SULT1B1: variants seen among roughly 807,000 people sequenced by gnomAD.
SULT1B1 encodes the protein sulfotransferase 1B1.
A neutral mutation model predicts 34.6 loss-of-function variants in SULT1B1; 28 were observed. The ratio of observed to expected loss-of-function variants is 0.81; its 90% CI spans 0.60 to 1.11. The LOEUF (loss-of-function observed/expected upper bound fraction) is 1.11. Ranked by LOEUF, SULT1B1 falls within the 50% of genes least tolerant of loss-of-function variation. The probability of loss-of-function intolerance (pLI) is 0.00; values close to 1 mark genes in which losing one functional copy is unlikely to be tolerated. For missense variants in SULT1B1, 374 were observed against 352.2 expected (o/e 1.06, Z -0.50); for synonymous variants, 147 against 110.2 (o/e 1.33, Z -2.09).
chr4:69,731,392 C>T (rs190684146), intron 6 of SULT1B1, among the ~76,000 whole-genome samples: 3 of 152,314 alleles, frequency 2.0e-5, no homozygotes, highest in African/African-American at 7.2e-5. Context: ...CCCCCTTGCA[C>T]CCTGTTCATG....
chr4:69,743,816 G>A (rs531365381), intron 4 of SULT1B1, among the ~76,000 whole-genome samples: 2 of 152,330 alleles, frequency 1.3e-5, no homozygotes, highest in East Asian at 1.9e-4. Flanking sequence ...TGTTCCGCGA[G>A]CGGGTAGTGG....
chr4:69,737,900 T>C (rs929766323), intron 4 of SULT1B1, among the ~76,000 whole-genome samples: 1 of 152,206 alleles, frequency 6.6e-6, no homozygotes, highest in Non-Finnish European at 1.5e-5. Context: ...TGGGCGCATG[T>C]GCAGATTTGT....
intron 4 of SULT1B1, among the ~76,000 whole-genome samples, chr4:69,735,717 A>G (rs1390654111): frequency 6.6e-6 from 1 of 152,222 alleles, no homozygotes; most frequent in Non-Finnish European, 1.5e-5. Context: ...CAAAACTGAG[A>G]TGAATCAAAT....
chr4:69,728,413 C>T (rs188402749), intron 7 of SULT1B1, among the ~76,000 whole-genome samples: 13 of 152,148 alleles, frequency 8.5e-5, no homozygotes, highest in African/African-American at 3.1e-4. Flanking sequence ...TGGCATCTTT[C>T]AAGATTCAGT....
In SULT1B1 at chr4:69,734,280, G is replaced by T; in HGVS notation, c.376-16C>A. On this transcript the variant is annotated splice_polypyrimidine_tract_variant and intron_variant, in intron 4 of 7. Transcript: ENST00000310613. ...GATAAATCATCTGCAGTGGGGGGTG[G>T]GGGTAGGAGAAAAAAATAAGATAAA... 2 of 1,601,638 alleles carry T rather than the reference G, an allele frequency of 1.2e-6. No individual in the cohort carries two copies. Among genetic ancestry groups the T allele is most frequent in the East Asian group, 4.5e-5 (2 of 44,188 alleles).
intron 3 of SULT1B1, among the ~76,000 whole-genome samples, chr4:69,754,333 GCTT>G (rs1177452101): frequency 5.9e-5 from 9 of 152,014 alleles, no homozygotes; most frequent in Admixed American, 2.0e-4. Context: ...AAGAAAAGTT[GCTT>G]CTTATTTATT....
At chr4:69,738,386 C>T (rs1052906858) in intron 4 of SULT1B1, among the ~76,000 whole-genome samples, 6 of 152,156 alleles carry the variant, frequency 3.9e-5, no homozygotes, top group Non-Finnish European at 8.8e-5. Context: ...CCTCAGGAAA[C>T]TTACAATCAT....
intron 1 of SULT1B1, among the ~76,000 whole-genome samples, chr4:69,756,375 C>T (rs1278649548): frequency 2.0e-5 from 3 of 152,030 alleles, no homozygotes; most frequent in Non-Finnish European, 1.5e-5. Flanking sequence ...CCTGACTGTG[C>T]CAAGGAGTCC....
chr4:69,754,206 A>G (rs1719096327), intron 3 of SULT1B1, among the ~76,000 whole-genome samples: 1 of 152,210 alleles, frequency 6.6e-6, no homozygotes, highest in South Asian at 2.1e-4. Context: ...CCTGTGATAC[A>G]ATATACAATT....
chr4:69,745,781 A>G (rs577250036), intron 4 of SULT1B1, among the ~76,000 whole-genome samples: 12 of 152,260 alleles, frequency 7.9e-5, no homozygotes, highest in African/African-American at 2.9e-4. Flanking sequence ...TGTAGACTTG[A>G]TTATGTAATT....
In SULT1B1 at chr4:69,721,931, C is replaced by T. The variant is rs1717676574; in HGVS notation, c.*5157G>A. The T allele has an allele frequency of 6.6e-6, 1 of 152,002 alleles. No homozygotes were observed. Among genetic ancestry groups the T allele is most frequent in the African/African-American group, 2.4e-5 (1 of 41,428 alleles). 9.4% of individuals were successfully genotyped at this position (152,002 alleles called of 1,614,324 possible). On this transcript the variant is annotated 3_prime_UTR_variant, in exon 8 of 8. Transcript: ENST00000310613. ...TAAGTGTTTTCATTTGGAAATTGTA[C>T]TGATGATTCAACAGGAGAAATAACG...
intron 4 of SULT1B1, among the ~76,000 whole-genome samples, chr4:69,748,848 C>T (rs1391830011): frequency 6.6e-6 from 1 of 151,942 alleles, no homozygotes; most frequent in Non-Finnish European, 1.5e-5. Context: ...GTGTGGGATG[C>T]AACTAAAGCT....
Position 69,751,475 on chromosome 4 carries a change from G to A in SULT1B1, c.278-1657C>T, listed in dbSNP as rs141221008. On this transcript the variant is annotated intron_variant, in intron 3 of 7. Coordinates refer to ENST00000310613, the MANE Select transcript of SULT1B1 (RefSeq NM_014465.4). ...GTTTGTTTGTTTGTTTATTTGAGAC[G>A]GAGTCTCACTCTGTCGCCCAGGCTG... Among the ~76,000 whole-genome samples, 201 of 152,224 alleles carry A rather than the reference G, an allele frequency of 1.3e-3. 4 individuals carry two copies. Among genetic ancestry groups the A allele is most frequent in the African/African-American group, 4.6e-3 (192 of 41,536 alleles).
intron 3 of SULT1B1, 106 bp downstream of exon 3, chr4:69,754,564 T>C (rs575354478): frequency 1.7e-6 from 2 of 1,169,438 alleles, no homozygotes; most frequent in Non-Finnish European, 2.4e-6. Flanking sequence ...CCTTCCATTT[T>C]ATGTCACCAA....
rs1717723143 is a variant in SULT1B1, at chr4:69,723,712, T to C, written c.*3376A>G. 6.6e-6 allele frequency: 1 copy of C among 152,204 alleles called. No homozygotes were observed. The highest frequency in any genetic ancestry group is 1.5e-5 in the Non-Finnish European group (1 of 68,036). The allele number at this position is 152,204 out of a possible 1,614,324, so 9.4% of individuals were successfully genotyped here. The stretch of plus-strand genomic sequence containing the variant: ...GGGCTTCATCCCTGGGATTCAAGGC[T>C]GGTTCAACATATGCAAATCAATAAA... On this transcript the variant is annotated 3_prime_UTR_variant, in exon 8 of 8. Coordinates refer to ENST00000310613, the MANE Select transcript of SULT1B1 (RefSeq NM_014465.4).
chr4:69,722,339 G>C lies in SULT1B1; in HGVS notation c.*4749C>G, dbSNP rs960070723. ...TGTAGCTAATCTATTACACAGATTA[G>C]AGGATAGTTTAGTGGTGTTTTTTCC... On this transcript the variant is annotated 3_prime_UTR_variant, in exon 8 of 8. Coordinates refer to ENST00000310613, the MANE Select transcript of SULT1B1 (RefSeq NM_014465.4). 2 of 152,122 alleles carry C rather than the reference G, an allele frequency of 1.3e-5. No homozygotes were observed. Among genetic ancestry groups the C allele is most frequent in the Non-Finnish European group, 2.9e-5 (2 of 68,004 alleles). 9.4% of individuals were successfully genotyped at this position (152,122 alleles called of 1,614,324 possible).
At chr4:69,737,819 C>T (rs752346687) in intron 4 of SULT1B1, among the ~76,000 whole-genome samples, 10 of 151,990 alleles carry the variant, frequency 6.6e-5, no homozygotes, top group Non-Finnish European at 1.0e-4. Context: ...AAACAAATAA[C>T]GTGATAAATA....
At chr4:69,743,083 C>G (rs1718613885) in intron 4 of SULT1B1, among the ~76,000 whole-genome samples, 1 of 152,196 alleles carries the variant, frequency 6.6e-6, no homozygotes. Flanking sequence ...CTCTCTTTCT[C>G]TCTTCTGTCT....
chr4:69,721,415 A>C lies in SULT1B1; in HGVS notation c.*5673T>G, dbSNP rs987031848. Reference sequence around the variant, plus strand: ...CCCAGTTATCTGAAGATTGCTGCACAAAATAATTGTTTTCCCATATATCAT... The same window carrying C: ...CCCAGTTATCTGAAGATTGCTGCACCAAATAATTGTTTTCCCATATATCAT... On this transcript the variant is annotated 3_prime_UTR_variant, in exon 8 of 8. Coordinates refer to ENST00000310613, the MANE Select transcript of SULT1B1 (RefSeq NM_014465.4). 1.3e-5 allele frequency: 2 copies of C among 152,148 alleles called. No homozygotes were observed. Among genetic ancestry groups the C allele is most frequent in the African/African-American group, 4.8e-5 (2 of 41,462 alleles). The allele number at this position is 152,148 out of a possible 1,614,324, so 9.4% of individuals were successfully genotyped here. A position where few individuals can be genotyped will look rare whatever the true frequency, so the allele number is the denominator to read the frequency against.
Sources: gnomAD v4.1 joint callset for allele counts (sites outside exome capture counted in the v4.1 genomes callset) on GRCh38, gnomAD v4.1.1 for gene constraint, MANE v1.5 for transcripts, NCBI Gene and HGNC (gene_info 2026-07-23, HGNC 2026-07-21) for gene names.